The following CARMIL2 variants were observed in gnomAD, a reference collection of about 807,000 sequenced individuals.
CARMIL2 encodes capping protein regulator and myosin 1 linker 2, also known as capping protein, Arp2/3 and myosin-I linker protein 2.
A neutral mutation model predicts 173.3 loss-of-function variants in CARMIL2; 96 were observed. That is an observed-to-expected ratio of 0.55 (90% CI 0.47 to 0.66). The LOEUF is 0.66. Ranked by LOEUF, CARMIL2 falls within the 30% of genes least tolerant of loss-of-function variation. CARMIL2 has a pLI of 0.00. For synonymous variants in CARMIL2, 830 were observed against 817.1 expected (o/e 1.02, Z -0.27); for missense variants, 1,771 against 1,906.7 (o/e 0.93, Z 1.33).
chr16:67,646,348 A>T lies in CARMIL2; in HGVS notation c.374+38A>T, dbSNP rs1349751788. ...AAATTCGAGGGGCTGGCAGGGGAGG[A>T]GGGAGTGCATGAGAAGGGCTGCTTC... On this transcript the variant is annotated intron_variant, in intron 5 of 37. Transcript: ENST00000334583. This position sits in a 1 kb window ranked among gnomAD's most constrained non-coding sequence, Gnocchi z 4.6. 1 of 1,609,212 alleles carries T rather than the reference A, an allele frequency of 6.2e-7. No homozygotes were observed. The highest frequency in any genetic ancestry group is 8.5e-7 in the Non-Finnish European group (1 of 1,176,952).
Position 67,646,864 on chromosome 16 carries a change from C to T in CARMIL2, c.538-36C>T. On this transcript the variant is annotated intron_variant, in intron 7 of 37. Transcript: ENST00000334583. This position sits in a 1 kb window ranked among gnomAD's most constrained non-coding sequence, Gnocchi z 4.6. The stretch of plus-strand genomic sequence containing the variant: ...CTGAGCCCCTCCCTGCCCCTTGTGG[C>T]CCCAGGCGAACTGTAAGCATCTCCT... The T allele has an allele frequency of 6.2e-7, 1 of 1,613,026 alleles. No individual in the cohort carries two copies. The highest frequency in any genetic ancestry group is 8.5e-7 in the Non-Finnish European group (1 of 1,179,126).
At position 67,649,211 on chromosome 16, in the gene CARMIL2, C is replaced by A; in HGVS notation, c.1688+39C>A. On this transcript the variant is annotated intron_variant, in intron 18 of 37. Coordinates refer to ENST00000334583, the MANE Select transcript of CARMIL2 (RefSeq NM_001013838.3). This position sits in a 1 kb window ranked among gnomAD's most constrained non-coding sequence, Gnocchi z 6.7. ...CTACTCCTGGGCCTCCCAGACAACA[C>A]CCCACCACCCCTGTCCCCCACAACT... is the stretch of plus-strand genomic sequence containing the variant. 2 of 1,612,754 alleles carry A rather than the reference C, an allele frequency of 1.2e-6. No individual in the cohort carries two copies. Among genetic ancestry groups the A allele is most frequent in the South Asian group, 2.2e-5 (2 of 90,964 alleles).
In CARMIL2 at chr16:67,654,498, A is replaced by T. The variant is rs2052796470; in HGVS notation, c.3388A>T (p.Thr1130Ser). 1 of 1,612,470 alleles carries T rather than the reference A, an allele frequency of 6.2e-7. No homozygotes were observed. The highest frequency in any genetic ancestry group is 1.7e-5 in the Admixed American group (1 of 59,896). ...SPGAAPRTRK[T>S]TFGDLLRPPT... ...TGGGGCAGCTCCCCGAACCCGAAAAACTACATTTGGCGACCTACTGCGGCC... is the reference window on the plus strand; with the variant it reads ...TGGGGCAGCTCCCCGAACCCGAAAATCTACATTTGGCGACCTACTGCGGCC... The change falls in exon 31 of 38, where the codon ACT (threonine) becomes TCT (serine). Residue 1130 changes from threonine (T) to serine (S), a missense_variant. By Grantham distance (58) the Thr-to-Ser change is moderately conservative (BLOSUM62 1). This residue lies in a region of CARMIL2 where 817 missense variants were observed against 903.5 expected (regional missense o/e 0.90). Coordinates refer to ENST00000334583, the MANE Select transcript of CARMIL2 (RefSeq NM_001013838.3).
At position 67,656,586 on chromosome 16, in the gene CARMIL2, GC is replaced by G; in HGVS notation, c.3981del (p.Ser1328ProfsTer22). On this transcript the variant is annotated frameshift_variant, in exon 35 of 38. Coordinates refer to ENST00000334583, the MANE Select transcript of CARMIL2 (RefSeq NM_001013838.3). LOFTEE classifies it high-confidence loss of function. ...CAAAGCCCAAGTCCCTGCAGAACCAGCCCCTCCCCAGACAGCCTGGGCCTCC... is the reference window on the plus strand; with the variant it reads ...CAAAGCCCAAGTCCCTGCAGAACCAGCCCTCCCCAGACAGCCTGGGCCTCC... The part of the protein sequence containing the change: ...PGQSPSPCRT[S>X]PSPDSLGLPE... 2 of 1,611,808 alleles carry G rather than the reference GC, an allele frequency of 1.2e-6. No homozygotes were observed. Among genetic ancestry groups the G allele is most frequent in the Non-Finnish European group, 1.7e-6 (2 of 1,179,070 alleles).
In CARMIL2 at chr16:67,653,007, C is replaced by T. The variant is rs1035069664; in HGVS notation, c.2885-12C>T. The stretch of plus-strand genomic sequence containing the variant: ...CTCGGCGCTCGGTGCTCTTCTGGTG[C>T]TGTCCCCTCAGGTGCTGCTGAGGAA... On this transcript the variant is annotated splice_polypyrimidine_tract_variant and intron_variant, in intron 28 of 37. Transcript: ENST00000334583. The surrounding 1 kb of genome is among the most constrained non-coding windows in gnomAD (Gnocchi z 7.4). 1.3e-5 allele frequency: 16 copies of T among 1,258,606 alleles called. No homozygotes were observed. In the African/African-American group the frequency reaches 2.5e-4, roughly 19 times the overall value. The allele number at this position is 1,258,606 out of a possible 1,614,324, so 78.0% of individuals were successfully genotyped here. A position where few individuals can be genotyped will look rare whatever the true frequency, so the allele number is the denominator to read the frequency against.
rs371241229 is a variant in CARMIL2, at chr16:67,651,180, G to T, written c.2185-7G>T. On this transcript the variant is annotated splice_region_variant and splice_polypyrimidine_tract_variant and intron_variant, in intron 22 of 37. Transcript: ENST00000334583. The surrounding 1 kb of genome is among the most constrained non-coding windows in gnomAD (Gnocchi z 4.2). ...CTAGGCTGAGACTGATCCCCATTTCGCCCCAGGAAGTGAATGAATTGTGTC... is the reference window on the plus strand; with the variant it reads ...CTAGGCTGAGACTGATCCCCATTTCTCCCCAGGAAGTGAATGAATTGTGTC... The T allele has an allele frequency of 3.7e-6, 6 of 1,611,844 alleles. No individual in the cohort carries two copies. The highest frequency in any genetic ancestry group is 1.1e-5 in the South Asian group (1 of 90,740).
At position 67,652,027 on chromosome 16, in the gene CARMIL2, C is replaced by T. The variant is rs2052734690; in HGVS notation, c.2676+19C>T. ...TCAGCTGGTGAGGGGGAGATGTGCA[C>T]ACACTTTCGTGCAAACACACACATG... On this transcript the variant is annotated intron_variant, in intron 26 of 37. Transcript: ENST00000334583. The surrounding 1 kb of genome is among the most constrained non-coding windows in gnomAD (Gnocchi z 4.7). 4 of 1,612,404 alleles carry T rather than the reference C, an allele frequency of 2.5e-6. No homozygotes were observed. The highest frequency in any genetic ancestry group is 3.4e-6 in the Non-Finnish European group (4 of 1,178,926).
chr16:67,645,148 G>GTA lies in CARMIL2; in HGVS notation c.-99_-98insTA. 5 of 851,454 alleles carry GTA rather than the reference G, an allele frequency of 5.9e-6. No individual in the cohort carries two copies. Among genetic ancestry groups the GTA allele is most frequent in the Admixed American group, 3.0e-5 (1 of 32,890 alleles). The allele number at this position is 851,454 out of a possible 1,614,324, so 52.7% of individuals were successfully genotyped here. On this transcript the variant is annotated 5_prime_UTR_variant, in exon 1 of 38. Coordinates refer to ENST00000334583, the MANE Select transcript of CARMIL2 (RefSeq NM_001013838.3). ...ACCTTCCGCCGCCGGAGGAGCAGGT[G>GTA]GCTGCCGTGCGGGTCTGGGCCCCAG...
chr16:67,650,231 C>T, intron 22 of CARMIL2, 81 bp downstream of exon 22: 1 of 1,199,298 alleles, frequency 8.3e-7, no homozygotes, highest in South Asian at 1.3e-5. Context: ...GTCAGAGGGT[C>T]TGACTTTCCT....
chr16:67,655,876 T>C (rs2052838190), intron 32 of CARMIL2, among the ~76,000 whole-genome samples, 155 bp from the exon 33 acceptor site: 2 of 152,248 alleles, frequency 1.3e-5, no homozygotes, highest in South Asian at 2.1e-4. Context: ...TATTCAAGTG[T>C]GCAAAGAGTT....
chr16:67,656,853 G>A lies in CARMIL2; in HGVS notation c.4089G>A (p.Val1363=). 6.4e-7 allele frequency: 1 copy of A among 1,550,410 alleles called. No individual in the cohort carries two copies. The highest frequency in any genetic ancestry group is 1.2e-5 in the South Asian group (1 of 84,054). ...PLSAGRRAVS[V]HEDQLQAPAE... is the part of the protein sequence containing the mutation. ...CGGCAGGGCGGCGAGCAGTGTCTGT[G>A]CATGAGGACCAGCTCCAGGCCCCTG... Residue 1363 remains valine, a synonymous_variant, in exon 36 of 38, where the codon GTG becomes GTA. Transcript: ENST00000334583.
In CARMIL2 at chr16:67,654,609, C is replaced by A; in HGVS notation, c.3499C>A (p.Arg1167Ser). ...SPDPAGRSRP[R>S]YTRDSKAYSM... The stretch of plus-strand genomic sequence containing the variant: ...TGACCCTGCCGGCAGGAGCCGACCT[C>A]GCTACACAAGAGATAGCAAGGCCTA... The change falls in exon 31 of 38, where the codon CGC (arginine) becomes AGC (serine). Residue 1167 changes from arginine (R) to serine (S), a missense_variant. By Grantham distance (110) the Arg-to-Ser change is moderately radical. This residue lies in a region of CARMIL2 where 817 missense variants were observed against 903.5 expected (regional missense o/e 0.90). Coordinates refer to ENST00000334583, the MANE Select transcript of CARMIL2 (RefSeq NM_001013838.3). 1 of 1,604,142 alleles carries A rather than the reference C, an allele frequency of 6.2e-7. No individual in the cohort carries two copies. Among genetic ancestry groups the A allele is most frequent in the South Asian group, 1.1e-5 (1 of 90,260 alleles).
intron 22 of CARMIL2, chr16:67,650,553 A>G (rs2052704961): frequency 4.4e-6 from 1 of 226,232 alleles, no homozygotes; most frequent in Admixed American, 5.2e-5. Context: ...CTACCTCTCC[A>G]TTCCCAAATA....
chr16:67,648,139 T>C lies in CARMIL2; in HGVS notation c.1159T>C (p.Cys387Arg), dbSNP rs2052635375. 1 of 1,573,810 alleles carries C rather than the reference T, an allele frequency of 6.4e-7. No homozygotes were observed. The highest frequency in any genetic ancestry group is 1.4e-5 in the African/African-American group (1 of 72,446). The change falls in exon 14 of 38, where the codon TGC becomes CGC. Residue 387 changes from cysteine to arginine, a missense_variant. Around this residue, in one of 3 missense-constraint regions of CARMIL2, gnomAD observed 944 missense variants for 975.6 expected, o/e 0.97. Transcript: ENST00000334583. This position sits in a 1 kb window ranked among gnomAD's most constrained non-coding sequence, Gnocchi z 6.1. ...TDTALDTVRG[C>R]SVGGWMTGRA... is the part of the protein sequence containing the mutation. ...CACTGCCCTGGACACTGTGAGGGGG[T>C]GCTCCGTGGGGGGATGGATGACCGG...
At position 67,654,475 on chromosome 16, in the gene CARMIL2, G is replaced by A. The variant is rs1329779613; in HGVS notation, c.3365G>A (p.Gly1122Glu). 2.5e-6 allele frequency: 4 copies of A among 1,612,994 alleles called. No individual in the cohort carries two copies. Among genetic ancestry groups the A allele is most frequent in the Non-Finnish European group, 3.4e-6 (4 of 1,179,708 alleles). The change falls in exon 31 of 38, where the codon GGG (glycine) becomes GAG (glutamate). Residue 1122 changes from glycine (G) to glutamate (E), a missense_variant. Gly to Glu is a moderately conservative substitution (Grantham distance 98). This residue lies in a region of CARMIL2 where 817 missense variants were observed against 903.5 expected (regional missense o/e 0.90). Transcript: ENST00000334583. ...CGGACTGATCTAGAGACCAGCCCTGGGGCAGCTCCCCGAACCCGAAAAACT... is the reference window on the plus strand; with the variant it reads ...CGGACTGATCTAGAGACCAGCCCTGAGGCAGCTCCCCGAACCCGAAAAACT... The part of the protein sequence containing the change: ...GPRTDLETSP[G>E]AAPRTRKTTF...
Position 67,649,479 on chromosome 16 carries a change from G to T in CARMIL2, c.1779G>T (p.Arg593=). The T allele has an allele frequency of 6.2e-7, 1 of 1,611,088 alleles. No individual in the cohort carries two copies. The highest frequency in any genetic ancestry group is 1.1e-5 in the South Asian group (1 of 91,086). The part of the protein sequence containing the change: ...PLQSLSVAES[R]LKLGASVLLR... ...AGTCTCTGTCGGTGGCTGAGTCTCG[G>T]CTGAAGCTGGGTGCCAGCGTCCTAC... The change falls in exon 20 of 38, where the codon CGG becomes CGT. Residue 593 remains arginine, a synonymous_variant. Transcript: ENST00000334583. The surrounding 1 kb of genome is among the most constrained non-coding windows in gnomAD (Gnocchi z 6.7).
rs916879520 is a variant in CARMIL2 at position 67,645,410 on chromosome 16, G to A, written c.40+124G>A. 2.6e-5 allele frequency: 36 copies of A among 1,362,802 alleles called. 1 individual carries two copies. In the African/African-American group the frequency reaches 3.2e-4, roughly 12 times the overall value. 84.4% of individuals were successfully genotyped at this position (1,362,802 alleles called of 1,614,324 possible). A position where few individuals can be genotyped will look rare whatever the true frequency, so the allele number is the denominator to read the frequency against. On this transcript the variant is annotated intron_variant, in intron 1 of 37. Transcript: ENST00000334583. ...CTCCCTGCTCCCCAGGAGGGCAGGC[G>A]CCCCAGATCCTCTCCCCTCCTTCCT... is the stretch of plus-strand genomic sequence containing the variant.
Position 67,648,020 on chromosome 16 carries a change from C to G in CARMIL2, c.1072-32C>G. On this transcript the variant is annotated intron_variant, in intron 13 of 37. Coordinates refer to ENST00000334583, the MANE Select transcript of CARMIL2 (RefSeq NM_001013838.3). This position sits in a 1 kb window ranked among gnomAD's most constrained non-coding sequence, Gnocchi z 6.1. The stretch of plus-strand genomic sequence containing the variant: ...CTCATAAGCCCTGGGTAGGCGATCC[C>G]CCACTCCATCGCACCCCTGTCCTCC... 6.2e-7 allele frequency: 1 copy of G among 1,608,614 alleles called. No homozygotes were observed. Among genetic ancestry groups the G allele is most frequent in the Non-Finnish European group, 8.5e-7 (1 of 1,177,614 alleles).
chr16:67,651,635 G>A lies in CARMIL2; in HGVS notation c.2428-50G>A, dbSNP rs774865029. The A allele has an allele frequency of 1.3e-6, 2 of 1,588,692 alleles. No homozygotes were observed. Among genetic ancestry groups the A allele is most frequent in the Admixed American group, 3.6e-5 (2 of 55,602 alleles). The stretch of plus-strand genomic sequence containing the variant: ...TTGGAGTTGGAGCCTCAAGCCAGCA[G>A]CCTGGTGTCTGGCCACATCCTCACC... On this transcript the variant is annotated intron_variant, in intron 24 of 37. Coordinates refer to ENST00000334583, the MANE Select transcript of CARMIL2 (RefSeq NM_001013838.3). The surrounding 1 kb of genome is among the most constrained non-coding windows in gnomAD (Gnocchi z 4.2).
Sources: allele counts gnomAD v4.1 joint callset (sites outside exome capture counted in the v4.1 genomes callset), GRCh38; gene constraint gnomAD v4.1.1; regional missense constraint gnomAD v4.1.1; non-coding constraint Gnocchi (gnomAD v3.1); transcripts MANE v1.5; gene names NCBI Gene and HGNC (gene_info 2026-07-23, HGNC 2026-07-21).